DISC1: variants seen among roughly 807,000 people sequenced by gnomAD.
DISC1 encodes disrupted in schizophrenia 1 protein.
DISC1 carries 57 observed loss-of-function variants against 84.5 expected under a neutral mutation model. That is an observed-to-expected ratio of 0.67 (90% CI 0.55 to 0.84). The LOEUF is 0.84. DISC1 is among the 40% of genes least tolerant of loss of function. The pLI is 0.00. For synonymous variants in DISC1, 411 were observed against 415.2 expected (o/e 0.99, Z 0.12); for missense variants, 1,000 against 1,057.8 (o/e 0.95, Z 0.76).
At chr1:231,796,650 A>G (rs1350209143) in intron 7 of DISC1, among the ~76,000 whole-genome samples, 1 of 152,190 alleles carries the variant, frequency 6.6e-6, no homozygotes, top group African/African-American at 2.4e-5. Flanking sequence ...TAACTTGTGT[A>G]CAAAGAGAGC....
intron 9 of DISC1, chr1:231,855,097 A>C (rs1207892054): frequency 1.0e-6 from 1 of 1,004,738 alleles, no homozygotes; most frequent in African/African-American, 1.7e-5. Flanking sequence ...ATTTAGTGGA[A>C]GTATAAAAGA....
At chr1:231,871,209 G>A (rs72760445) in intron 9 of DISC1, among the ~76,000 whole-genome samples, 14,675 of 152,194 alleles carry the variant, frequency 0.096, 990 homozygotes, top group East Asian at 0.32. Flanking sequence ...TTTGGACTAG[G>A]CTACAAATGC....
rs2081863568 is a variant in DISC1, at chr1:231,826,359, A to G, written c.1981+7842A>G. ...ATCACCCTACCTAAATACCACACTC[A>G]TAGATTCATAATTACAAAACAAAAG... On this transcript the variant is annotated intron_variant, in intron 9 of 12. Transcript: ENST00000439617. The surrounding 1 kb of genome is among the most constrained non-coding windows in gnomAD (Gnocchi z 4.2). Among the ~76,000 whole-genome samples, 1 of 149,932 alleles carries G rather than the reference A, an allele frequency of 6.7e-6. No homozygotes were observed. The highest frequency in any genetic ancestry group is 2.1e-4 in the South Asian group (1 of 4,832).
At chr1:231,953,557 T>C (rs1384910848) in intron 9 of DISC1, among the ~76,000 whole-genome samples, 1 of 152,206 alleles carries the variant, frequency 6.6e-6, no homozygotes, top group African/African-American at 2.4e-5. Context: ...TATTTGAAAA[T>C]TTCTCAGAGT....
At chr1:231,694,916 C>T (rs200314904) in intron 2 of DISC1, 111 bp downstream of exon 2, 4 of 1,483,892 alleles carry the variant, frequency 2.7e-6, no homozygotes, top group Non-Finnish European at 3.7e-6. Flanking sequence ...CTCCTGGAAG[C>T]TGCAGCAGCT....
chr1:231,641,352 G>T (rs530601669), intron 1 of DISC1, among the ~76,000 whole-genome samples: 3 of 152,294 alleles, frequency 2.0e-5, no homozygotes, highest in Non-Finnish European at 2.9e-5. Context: ...GCTCAAGAGT[G>T]AAGCTGCGGA....
chr1:231,654,158 C>T (rs548637825), intron 1 of DISC1, among the ~76,000 whole-genome samples: 19 of 152,254 alleles, frequency 1.2e-4, no homozygotes, highest in Middle Eastern at 3.4e-3. Flanking sequence ...CAGGGGAGTC[C>T]GCCATCTTAG....
intron 1 of DISC1, among the ~76,000 whole-genome samples, chr1:231,631,299 G>A (rs1484528874): frequency 6.6e-6 from 1 of 152,222 alleles, no homozygotes; most frequent in African/African-American, 2.4e-5. Flanking sequence ...ATATGTGAGA[G>A]TGGTCCCATA....
intron 9 of DISC1, among the ~76,000 whole-genome samples, chr1:231,885,492 A>T (rs938674585): frequency 5.9e-5 from 9 of 152,204 alleles, no homozygotes; most frequent in African/African-American, 2.2e-4. Flanking sequence ...GAATACATAT[A>T]TTCAAGCCCG....
chr1:231,768,810 A>T (rs1033587771), intron 5 of DISC1, among the ~76,000 whole-genome samples: 1 of 152,222 alleles, frequency 6.6e-6, no homozygotes, highest in Non-Finnish European at 1.5e-5. Context: ...AGCTTCACAG[A>T]GTAGACTAAG....
At chr1:231,657,325 C>T (rs1054071891) in intron 1 of DISC1, among the ~76,000 whole-genome samples, 1 of 152,200 alleles carries the variant, frequency 6.6e-6, no homozygotes, top group Non-Finnish European at 1.5e-5. Flanking sequence ...AACAGCCATT[C>T]TGACTGGTGT....
chr1:231,646,713 C>G (rs926685883), intron 1 of DISC1, among the ~76,000 whole-genome samples: 1 of 152,198 alleles, frequency 6.6e-6, no homozygotes, highest in African/African-American at 2.4e-5. Context: ...ATATCCTCTC[C>G]AGCATCTGTT....
intron 9 of DISC1, among the ~76,000 whole-genome samples, chr1:231,931,985 G>A (rs141976615): frequency 5.9e-5 from 9 of 152,146 alleles, no homozygotes; most frequent in Non-Finnish European, 7.4e-5. Flanking sequence ...GCTCATGGCC[G>A]TGGGGAGCCC....
intron 9 of DISC1, among the ~76,000 whole-genome samples, chr1:231,908,684 T>C (rs1461651211): frequency 6.6e-6 from 1 of 152,204 alleles, no homozygotes; most frequent in Admixed American, 6.5e-5. Flanking sequence ...CACTTTAAAG[T>C]AGTTTTTTCC....
intron 9 of DISC1, among the ~76,000 whole-genome samples, chr1:231,911,926 C>G (rs1222800037): frequency 1.3e-5 from 2 of 152,086 alleles, no homozygotes; most frequent in African/African-American, 4.8e-5. Context: ...ATTCATTGAT[C>G]TTCAATCACT....
intron 9 of DISC1, among the ~76,000 whole-genome samples, chr1:231,907,127 CTTCCTCTTTCTT>C (rs753856225): frequency 2.3e-3 from 111 of 48,584 alleles, no homozygotes; most frequent in East Asian, 4.8e-3. Context: ...TCCTTCCTTC[CTTCCTCTTTCTT>C]TCTTTCTTTC....
chr1:231,988,312 C>A (rs184646374), intron 10 of DISC1, among the ~76,000 whole-genome samples: 33 of 152,360 alleles, frequency 2.2e-4, no homozygotes, highest in Middle Eastern at 3.4e-3. Context: ...TACAAATCAG[C>A]ACCTGCCTTT....
rs2058660236 is a variant in DISC1, at chr1:231,630,936, AG to A, written c.67+4006del. On this transcript the variant is annotated intron_variant, in intron 1 of 12. Coordinates refer to ENST00000439617, the MANE Select transcript of DISC1 (RefSeq NM_018662.3). The surrounding 1 kb of genome is among the most constrained non-coding windows in gnomAD (Gnocchi z 4.4). ...TGACATTTAGCTGTAGAAGGTAGGCAGGGGCTCACATGGTGTGCACAGCCCC... is the reference window on the plus strand; with the variant it reads ...TGACATTTAGCTGTAGAAGGTAGGCAGGGCTCACATGGTGTGCACAGCCCC... Among the ~76,000 whole-genome samples, 1 of 152,198 alleles carries A rather than the reference AG, an allele frequency of 6.6e-6. No individual in the cohort carries two copies.
At chr1:231,870,314 G>A (rs541831720) in intron 9 of DISC1, among the ~76,000 whole-genome samples, 2 of 152,334 alleles carry the variant, frequency 1.3e-5, no homozygotes, top group African/African-American at 4.8e-5. Flanking sequence ...TAATAAAACA[G>A]TGATGGACCA....
Sources: gnomAD v4.1 joint callset for allele counts (sites outside exome capture counted in the v4.1 genomes callset) on GRCh38, gnomAD v4.1.1 for gene constraint, Gnocchi (gnomAD v3.1) non-coding constraint, MANE v1.5 for transcripts, NCBI Gene and HGNC (gene_info 2026-07-23, HGNC 2026-07-21) for gene names.